The following DAB1 variants were observed in gnomAD, a reference collection of about 807,000 sequenced individuals.
The protein encoded by DAB1 is disabled homolog 1.
A neutral mutation model predicts 64.6 loss-of-function variants in DAB1; 15 were observed. The observed-to-expected ratio is 0.23, with a 90% CI of 0.16 to 0.36. The LOEUF (loss-of-function observed/expected upper bound fraction) is 0.36, where lower values mean the gene tolerates loss of function less well. DAB1 is among the 10% of genes least tolerant of loss of function. The probability of loss-of-function intolerance (pLI) is 1.00; values close to 1 mark genes in which losing one functional copy is unlikely to be tolerated. For missense variants in DAB1, 596 were observed against 706.7 expected (o/e 0.84, Z 1.78); for synonymous variants, 235 against 251.9 (o/e 0.93, Z 0.64).
rs143484035 is a variant in DAB1 at position 57,554,738 on chromosome 1, T to C, written n.625+94854A>G. On this transcript the variant is annotated intron_variant and non_coding_transcript_variant, in intron 7 of 20. Transcript: ENST00000485760. Reference sequence around the variant, plus strand: ...TCCATTGACTTTCTATTGCTTTCAGTCATATGAATTTGGGTTTTTAATGAA... The same window carrying C: ...TCCATTGACTTTCTATTGCTTTCAGCCATATGAATTTGGGTTTTTAATGAA... Among the ~76,000 whole-genome samples the C allele has an allele frequency of 8.4e-4, 128 of 152,308 alleles. 3 individuals carry two copies. The East Asian group carries it at 0.024, about 28-fold the overall frequency.
chr1:58,474,133 G>A (rs1462731775), intron 3 of DAB1, among the ~76,000 whole-genome samples: 1 of 152,176 alleles, frequency 6.6e-6, no homozygotes, highest in Non-Finnish European at 1.5e-5. Context: ...GAGGATGCCA[G>A]AGCTCCTGCC....
intron 4 of DAB1, among the ~76,000 whole-genome samples, chr1:58,167,204 GA>G (rs955148441): frequency 2.6e-5 from 4 of 152,202 alleles, no homozygotes; most frequent in Non-Finnish European, 5.9e-5. Flanking sequence ...TGGGGACTTG[GA>G]AAACTTTTGT....
intron 5 of DAB1, among the ~76,000 whole-genome samples, chr1:58,127,778 G>T (rs201894311): frequency 0.2 from 30,152 of 149,912 alleles, 3,201 homozygotes; most frequent in East Asian, 0.36. Flanking sequence ...GTAGATATGC[G>T]GTGTTATTTC....
chr1:57,795,690 GATATATAT>G (rs3081038), intron 6 of DAB1, among the ~76,000 whole-genome samples: 2,945 of 69,042 alleles, frequency 0.043, 117 homozygotes, highest in African/African-American at 0.093. Flanking sequence ...TATGCTTGGA[GATATATAT>G]ATATATATAT....
At chr1:58,174,459 GC>G (rs1656349914) in intron 4 of DAB1, among the ~76,000 whole-genome samples, 2 of 152,182 alleles carry the variant, frequency 1.3e-5, no homozygotes, top group African/African-American at 4.8e-5. Context: ...CGACCTGCTG[GC>G]CCTCTGACTG....
chr1:58,131,963 C>G (rs889836477), intron 5 of DAB1, among the ~76,000 whole-genome samples: 1 of 151,766 alleles, frequency 6.6e-6, no homozygotes, highest in Non-Finnish European at 1.5e-5. Flanking sequence ...AGGCAGGCCT[C>G]CTTGAGCTGT....
chr1:57,281,193 T>A (rs1292542718), intron 2 of DAB1, among the ~76,000 whole-genome samples: 2 of 152,280 alleles, frequency 1.3e-5, no homozygotes, highest in East Asian at 3.9e-4. Context: ...CTCACAGATC[T>A]CCCAGCCTAG....
At chr1:57,040,187 C>T (rs994957304) in intron 9 of DAB1, among the ~76,000 whole-genome samples, 4 of 151,930 alleles carry the variant, frequency 2.6e-5, no homozygotes, top group Admixed American at 2.0e-4. Context: ...AACCCTACAT[C>T]GTGGGGTTGG....
intron 1 of DAB1, chr1:58,539,396 A>G: frequency 1.5e-6 from 1 of 660,846 alleles, no homozygotes; most frequent in Non-Finnish European, 2.5e-6. Flanking sequence ...TAGGCGTGTC[A>G]GTTGTTCTTC....
rs77456723 is a variant in DAB1 at position 58,228,884 on chromosome 1, C to T, written n.310-78296G>A. The T allele has an allele frequency of 1.2e-3, 653 of 561,458 alleles. 7 individuals carry two copies. The East Asian group carries it at 0.014, about 12-fold the overall frequency. 34.8% of individuals were successfully genotyped at this position (561,458 alleles called of 1,614,324 possible). ...GCAGGACAGAGGCCCAGAGCATCCGCAGGCAACCTAACAACAGCTGTAGTG... is the reference window on the plus strand; with the variant it reads ...GCAGGACAGAGGCCCAGAGCATCCGTAGGCAACCTAACAACAGCTGTAGTG... On this transcript the variant is annotated intron_variant and non_coding_transcript_variant, in intron 4 of 20. Coordinates refer to the DAB1 transcript ENST00000485760.
chr1:58,477,036 T>C (rs1487457037), intron 3 of DAB1, among the ~76,000 whole-genome samples: 2 of 152,180 alleles, frequency 1.3e-5, no homozygotes, highest in African/African-American at 4.8e-5. Flanking sequence ...ACTGCAGTAT[T>C]GCCAAAAGAA....
At chr1:57,275,480 G>C (rs149544825) in intron 2 of DAB1, among the ~76,000 whole-genome samples, 1 of 152,252 alleles carries the variant, frequency 6.6e-6, no homozygotes, top group South Asian at 2.1e-4. Context: ...ATTTTTAGCT[G>C]TTTAAAATTT....
intron 4 of DAB1, among the ~76,000 whole-genome samples, chr1:58,214,316 G>C (rs532178040): frequency 1.2e-4 from 19 of 152,264 alleles, no homozygotes; most frequent in African/African-American, 4.6e-4. Flanking sequence ...CCTGTTGTGT[G>C]CTCACATATT....
At chr1:57,391,275 G>C (rs1389037438) in intron 1 of DAB1, among the ~76,000 whole-genome samples, 2 of 152,070 alleles carry the variant, frequency 1.3e-5, no homozygotes, top group African/African-American at 2.4e-5. Flanking sequence ...CACACTCAAA[G>C]ATGTATGAAA....
intron 6 of DAB1, among the ~76,000 whole-genome samples, chr1:57,692,524 CAG>C (rs1211388118): frequency 6.6e-6 from 1 of 151,678 alleles, no homozygotes; most frequent in East Asian, 1.9e-4. Context: ...AAGAGGGAGT[CAG>C]AGAGAGACAA....
At chr1:58,410,227 T>C (rs77695080) in intron 3 of DAB1, among the ~76,000 whole-genome samples, 2,191 of 152,338 alleles carry the variant, frequency 0.014, 56 homozygotes, top group African/African-American at 0.051. Flanking sequence ...TATGAAATCA[T>C]ATATAAGATC....
chr1:58,453,577 G>A (rs557359927), intron 3 of DAB1, among the ~76,000 whole-genome samples: 5 of 152,150 alleles, frequency 3.3e-5, no homozygotes, highest in Admixed American at 6.5e-5. Context: ...CCCGTGACCC[G>A]AGGCGTGCTG....
chr1:58,534,408 G>T, intron 1 of DAB1: 1 of 661,168 alleles, frequency 1.5e-6, no homozygotes, highest in Non-Finnish European at 2.6e-6. Context: ...AAGTTATATG[G>T]CTACTTATTA....
chr1:57,662,831 G>C (rs1646402905), intron 6 of DAB1, among the ~76,000 whole-genome samples: 1 of 152,112 alleles, frequency 6.6e-6, no homozygotes, highest in Admixed American at 6.5e-5. Flanking sequence ...ATAATAGCTG[G>C]GGGAAAATCA....
Sources: gnomAD v4.1 joint callset for allele counts (sites outside exome capture counted in the v4.1 genomes callset) on GRCh38, gnomAD v4.1.1 for gene constraint, MANE v1.5 for transcripts, NCBI Gene and HGNC (gene_info 2026-07-23, HGNC 2026-07-21) for gene names.